FAM234B: variants seen among roughly 807,000 people sequenced by gnomAD.
The protein encoded by FAM234B is protein FAM234B.
FAM234B carries 33 observed loss-of-function variants against 69.3 expected under a neutral mutation model. The ratio of observed to expected loss-of-function variants is 0.48; its 90% confidence interval spans 0.36 to 0.64. The LOEUF (loss-of-function observed/expected upper bound fraction) is 0.64, where lower values mean the gene tolerates loss of function less well. FAM234B is among the 30% of genes least tolerant of loss of function. The pLI is 0.00. For synonymous variants in FAM234B, 306 were observed against 306.9 expected (o/e 1.00, Z 0.03); for missense variants, 697 against 769.7 (o/e 0.91, Z 1.12).
chr12:13,081,851 G>T lies in FAM234B; in HGVS notation c.*1221G>T, dbSNP rs1865232432. On this transcript the variant is annotated 3_prime_UTR_variant, in exon 13 of 13. Transcript: ENST00000197268. ...CTTTTAGGTCATTGTTTATATAGCA[G>T]AAAATTCAATGTTAGCGGATGGAAA... 1 of 150,218 alleles carries T rather than the reference G, an allele frequency of 6.7e-6. No homozygotes were observed. Among genetic ancestry groups the T allele is most frequent in the Non-Finnish European group, 1.5e-5 (1 of 67,530 alleles). 9.3% of individuals were successfully genotyped at this position (150,218 alleles called of 1,614,324 possible).
intron 6 of FAM234B, 170 bp from the exon 7 acceptor site, chr12:13,066,985 A>C (rs1591600140): frequency 1.1e-6 from 1 of 918,666 alleles, no homozygotes; most frequent in Non-Finnish European, 1.6e-6. Flanking sequence ...TGAAGGGAAG[A>C]CTCTTGTCCA....
intron 1 of FAM234B, among the ~76,000 whole-genome samples, chr12:13,051,303 G>A (rs941500666): frequency 6.6e-6 from 1 of 152,162 alleles, no homozygotes; most frequent in East Asian, 1.9e-4. Flanking sequence ...CCTTTAAACT[G>A]TTTTGCTGGG....
In FAM234B at chr12:13,044,532, G is replaced by A; in HGVS notation, c.37+92G>A. On this transcript the variant is annotated intron_variant, in intron 1 of 12. Coordinates refer to ENST00000197268, the MANE Select transcript of FAM234B (RefSeq NM_020853.2). This position sits in a 1 kb window ranked among gnomAD's most constrained non-coding sequence, Gnocchi z 5.6. ...TGGGGGCGAGGCCGGTCGGGCCCTGGCCTCAACCCAGACTCAGCTGCAGGC... is the reference window on the plus strand; with the variant it reads ...TGGGGGCGAGGCCGGTCGGGCCCTGACCTCAACCCAGACTCAGCTGCAGGC... 2.1e-6 allele frequency: 3 copies of A among 1,417,250 alleles called. No homozygotes were observed. Among genetic ancestry groups the A allele is most frequent in the Non-Finnish European group, 2.9e-6 (3 of 1,030,232 alleles). 87.8% of individuals were successfully genotyped at this position (1,417,250 alleles called of 1,614,324 possible). A position where few individuals can be genotyped will look rare whatever the true frequency, so the allele number is the denominator to read the frequency against.
rs772133072 is a variant in FAM234B, at chr12:13,076,120, C to T, written c.1619C>T (p.Thr540Ile). ...ATCCTTCTGGATCTGGCCAACACCA[C>T]CGGCACAGTGACGGCTTCAGAGGGT... Reference protein sequence around the residue: ...PSILLDLANTTGTVTASEVGI... With the variant: ...PSILLDLANTIGTVTASEVGI... Residue 540 changes from threonine to isoleucine, a missense_variant, in exon 11 of 13, where the codon ACC (threonine) becomes ATC (isoleucine). Thr to Ile is a moderately conservative substitution (Grantham distance 89). Around this residue, in one of 3 missense-constraint regions of FAM234B, gnomAD observed 313 missense variants for 305.5 expected, o/e 1.02. Coordinates refer to ENST00000197268, the MANE Select transcript of FAM234B (RefSeq NM_020853.2). 1.2e-6 allele frequency: 2 copies of T among 1,613,834 alleles called. No individual in the cohort carries two copies. The highest frequency in any genetic ancestry group is 1.3e-5 in the African/African-American group (1 of 74,928).
chr12:13,055,451 T>C (rs1425018936), intron 1 of FAM234B, 100 bp from the exon 2 acceptor site: 1 of 1,231,086 alleles, frequency 8.1e-7, no homozygotes, highest in Non-Finnish European at 1.1e-6. Context: ...TTTTTTGTTT[T>C]AGTTTTCCGT....
At chr12:13,068,845 T>C (rs12424184) in intron 9 of FAM234B, 134 bp downstream of exon 9, 123,227 of 583,564 alleles carry the variant, frequency 0.21, 16,279 homozygotes, top group East Asian at 0.49. Context: ...CAAAGTCTCA[T>C]TGAGTGGATA....
At chr12:13,045,800 G>A (rs964451173) in intron 1 of FAM234B, among the ~76,000 whole-genome samples, 6 of 151,510 alleles carry the variant, frequency 4.0e-5, no homozygotes, top group Non-Finnish European at 8.8e-5. Context: ...TCCCAGAGGG[G>A]TAATAAGATG....
At position 13,082,400 on chromosome 12, in the gene FAM234B, A is replaced by T. The variant is rs1035004397; in HGVS notation, c.*1770A>T. The T allele has an allele frequency of 2.6e-5, 4 of 152,204 alleles. No homozygotes were observed. Among genetic ancestry groups the T allele is most frequent in the African/African-American group, 7.2e-5 (3 of 41,448 alleles). The allele number at this position is 152,204 out of a possible 1,614,324, so 9.4% of individuals were successfully genotyped here. A position where few individuals can be genotyped will look rare whatever the true frequency, so the allele number is the denominator to read the frequency against. ...GAGGTTGGTAGCAGTAGATCCAAGC[A>T]TGCATGTTGCCTGGCCTGTAGATTG... On this transcript the variant is annotated 3_prime_UTR_variant, in exon 13 of 13. Coordinates refer to ENST00000197268, the MANE Select transcript of FAM234B (RefSeq NM_020853.2).
intron 7 of FAM234B, 141 bp from the exon 8 acceptor site, chr12:13,068,163 A>G (rs1865060811): frequency 1.3e-6 from 1 of 771,956 alleles, no homozygotes; most frequent in African/African-American, 1.7e-5. Context: ...ACAACAGTAC[A>G]TCCCACTTGA....
At position 13,080,681 on chromosome 12, in the gene FAM234B, C is replaced by T. The variant is rs751780164; in HGVS notation, c.*51C>T. Reference sequence around the variant, plus strand: ...GAAGTGAACAGAGTGGATACCCTCTCTACTCTCCTGTCACTGTAAAATCAG... The same window carrying T: ...GAAGTGAACAGAGTGGATACCCTCTTTACTCTCCTGTCACTGTAAAATCAG... On this transcript the variant is annotated 3_prime_UTR_variant, in exon 13 of 13. Transcript: ENST00000197268. 7 of 1,471,722 alleles carry T rather than the reference C, an allele frequency of 4.8e-6. No individual in the cohort carries two copies. Among genetic ancestry groups the T allele is most frequent in the Non-Finnish European group, 6.7e-6 (7 of 1,052,220 alleles). 91.2% of individuals were successfully genotyped at this position (1,471,722 alleles called of 1,614,324 possible).
intron 11 of FAM234B, among the ~76,000 whole-genome samples, chr12:13,077,721 G>T (rs1034468808): frequency 6.6e-6 from 1 of 151,902 alleles, no homozygotes; most frequent in Non-Finnish European, 1.5e-5. Flanking sequence ...GAATAGTGCC[G>T]CAATAAATAT....
intron 1 of FAM234B, among the ~76,000 whole-genome samples, chr12:13,055,026 A>T (rs1864913758): frequency 6.6e-6 from 1 of 152,262 alleles, no homozygotes; most frequent in African/African-American, 2.4e-5. Flanking sequence ...TCAGATGAAC[A>T]TTCAGTGTTC....
In FAM234B at chr12:13,044,929, C is replaced by T. The variant is rs968067889; in HGVS notation, c.37+489C>T. Among the ~76,000 whole-genome samples the T allele has an allele frequency of 5.3e-5, 8 of 152,182 alleles. No homozygotes were observed. Among genetic ancestry groups the T allele is most frequent in the Admixed American group, 1.3e-4 (2 of 15,276 alleles). ...GGCAGGTGGGACAGGTATTTACGTCCCTTCCTAGTTTACAGAAGAGAAAAT... is the reference window on the plus strand; with the variant it reads ...GGCAGGTGGGACAGGTATTTACGTCTCTTCCTAGTTTACAGAAGAGAAAAT... On this transcript the variant is annotated intron_variant, in intron 1 of 12. Transcript: ENST00000197268. This position sits in a 1 kb window ranked among gnomAD's most constrained non-coding sequence, Gnocchi z 5.6.
chr12:13,059,280 TC>T (rs766870357), intron 3 of FAM234B, among the ~76,000 whole-genome samples: 2 of 152,214 alleles, frequency 1.3e-5, no homozygotes, highest in Non-Finnish European at 2.9e-5. Flanking sequence ...TTTTCTGGAT[TC>T]CAGTAATTGC....
chr12:13,070,198 TATATATATATATAA>T (rs1420388304), intron 9 of FAM234B, among the ~76,000 whole-genome samples: 12 of 118,028 alleles, frequency 1.0e-4, no homozygotes, highest in African/African-American at 3.6e-4. Context: ...TATATATATA[TATATATATATATAA>T]AATGAAATAT....
intron 2 of FAM234B, among the ~76,000 whole-genome samples, chr12:13,058,227 T>C (rs1864951286): frequency 6.6e-6 from 1 of 152,204 alleles, no homozygotes; most frequent in East Asian, 1.9e-4. Flanking sequence ...AGTCCCTAGC[T>C]GGTCTGCTTC....
intron 10 of FAM234B, among the ~76,000 whole-genome samples, chr12:13,075,440 T>TTA (rs1371768034): frequency 4.7e-5 from 7 of 148,258 alleles, no homozygotes; most frequent in Non-Finnish European, 7.5e-5. Context: ...TTTCTTTTTT[T>TTA]TTTTTTTTAT....
At chr12:13,060,471 A>G (rs1864972622) in intron 3 of FAM234B, among the ~76,000 whole-genome samples, 1 of 152,170 alleles carries the variant, frequency 6.6e-6, no homozygotes, top group African/African-American at 2.4e-5. Context: ...CCATCTGGGA[A>G]AAGACGAGTC....
chr12:13,077,902 C>T (rs1461480670), intron 11 of FAM234B, among the ~76,000 whole-genome samples: 1 of 152,202 alleles, frequency 6.6e-6, no homozygotes, highest in African/African-American at 2.4e-5. Context: ...AAAAGTATTC[C>T]TATTTCTCCA....
Sources: gnomAD v4.1 joint callset for allele counts (sites outside exome capture counted in the v4.1 genomes callset) on GRCh38, gnomAD v4.1.1 for gene constraint, gnomAD v4.1.1 regional missense constraint, Gnocchi (gnomAD v3.1) non-coding constraint, MANE v1.5 for transcripts, NCBI Gene and HGNC (gene_info 2026-07-23, HGNC 2026-07-21) for gene names.